The following PARD3B variants were observed in gnomAD, a reference collection of about 807,000 sequenced individuals.
PARD3B encodes the protein partitioning defective 3 homolog B.
A neutral mutation model predicts 130.2 loss-of-function variants in PARD3B; 103 were observed. The observed-to-expected ratio is 0.79, with a 90% CI of 0.67 to 0.93. PARD3B has a LOEUF of 0.93. Among genes scored for constraint, PARD3B ranks in the 40% least tolerant of loss-of-function variants. PARD3B has a pLI of 0.00. For missense variants in PARD3B, 1,609 were observed against 1,499.2 expected (o/e 1.07, Z -1.21); for synonymous variants, 583 against 553.2 (o/e 1.05, Z -0.76).
intron 21 of PARD3B, among the ~76,000 whole-genome samples, chr2:205,542,327 A>T (rs1330034195): frequency 6.7e-6 from 1 of 148,838 alleles, no homozygotes; most frequent in African/African-American, 2.5e-5. Context: ...TTCTCTAGTT[A>T]ACAGGAAACT....
intron 2 of PARD3B, among the ~76,000 whole-genome samples, chr2:204,766,135 A>C (rs2041135553): frequency 6.6e-6 from 1 of 152,182 alleles, no homozygotes; most frequent in Admixed American, 6.6e-5. Flanking sequence ...TGCCAGTGAA[A>C]GCTATCTTAT....
At position 205,397,447 on chromosome 2, in the gene PARD3B, T is replaced by C. The variant is rs934042439; in HGVS notation, c.2631-3566T>C. 1.3e-5 allele frequency among the ~76,000 whole-genome samples: 2 copies of C among 152,196 alleles called. No homozygotes were observed. Among genetic ancestry groups the C allele is most frequent in the African/African-American group, 2.4e-5 (1 of 41,450 alleles). ...CATGTTTTTTTTCTTACCAAACATA[T>C]TCCACTGTGAGGGAAGGATAATGAG... On this transcript the variant is annotated intron_variant, in intron 18 of 22. Transcript: ENST00000406610. The surrounding 1 kb of genome is among the most constrained non-coding windows in gnomAD (Gnocchi z 4.8).
chr2:204,705,822 C>T (rs992609425), intron 2 of PARD3B, among the ~76,000 whole-genome samples: 7 of 152,094 alleles, frequency 4.6e-5, no homozygotes, highest in Non-Finnish European at 7.4e-5. Context: ...TAAGTTTGAC[C>T]GAACGCTAGC....
chr2:204,767,044 A>G (rs530332891), intron 2 of PARD3B, among the ~76,000 whole-genome samples: 1 of 121,168 alleles, frequency 8.3e-6, no homozygotes, highest in East Asian at 2.4e-4. Flanking sequence ...ACATGTGCAC[A>G]TTGTGCAGGT....
In PARD3B at chr2:204,898,118, A is replaced by AT. The variant is rs541810511; in HGVS notation, c.223-67033dup. ...TAAATTTTATGTATATTTTACCATA[A>AT]TAAAAAAAAAACATAAATGAACAAA... On this transcript the variant is annotated intron_variant, in intron 2 of 22. Transcript: ENST00000406610. Among the ~76,000 whole-genome samples, 420 of 151,106 alleles carry AT rather than the reference A, an allele frequency of 2.8e-3. 2 individuals carry two copies. Among genetic ancestry groups the AT allele is most frequent in the Non-Finnish European group, 4.6e-3 (311 of 67,916 alleles).
chr2:205,283,469 G>A (rs906444051), intron 16 of PARD3B, among the ~76,000 whole-genome samples: 1 of 152,060 alleles, frequency 6.6e-6, no homozygotes, highest in Non-Finnish European at 1.5e-5. Flanking sequence ...TTATTATTTT[G>A]TATAGACAGA....
At chr2:205,574,621 C>A (rs1280496677) in intron 22 of PARD3B, among the ~76,000 whole-genome samples, 2 of 152,124 alleles carry the variant, frequency 1.3e-5, no homozygotes, top group African/African-American at 4.8e-5. Flanking sequence ...TAAAGACTCA[C>A]TGACTTAGCA....
chr2:204,621,838 C>A (rs184523021), intron 1 of PARD3B, among the ~76,000 whole-genome samples: 273 of 152,258 alleles, frequency 1.8e-3, no homozygotes, highest in African/African-American at 6.1e-3. Flanking sequence ...TAAGGAAGAT[C>A]TTGTGGTGTT....
chr2:204,766,991 A>ATTT (rs141505640), intron 2 of PARD3B, among the ~76,000 whole-genome samples: 27 of 98,620 alleles, frequency 2.7e-4, no homozygotes, highest in South Asian at 1.1e-3. Context: ...CACATTTTTT[A>ATTT]TTTTATTTTT....
intron 2 of PARD3B, among the ~76,000 whole-genome samples, chr2:204,842,008 G>A (rs2044274871): frequency 6.6e-6 from 1 of 151,940 alleles, no homozygotes. Flanking sequence ...TATTCCAGAA[G>A]GTTCAACTGC....
At chr2:204,703,248 G>GAC (rs779168961) in intron 2 of PARD3B, among the ~76,000 whole-genome samples, 1 of 152,136 alleles carries the variant, frequency 6.6e-6, no homozygotes, top group Non-Finnish European at 1.5e-5. Context: ...ACCATGCTTA[G>GAC]ACACAAAATT....
At chr2:204,824,036 A>G (rs1307667030) in intron 2 of PARD3B, among the ~76,000 whole-genome samples, 2 of 152,116 alleles carry the variant, frequency 1.3e-5, no homozygotes. Flanking sequence ...TAGGGGTGGG[A>G]GTTCTGAAGA....
At chr2:204,904,702 C>T (rs1443850333) in intron 2 of PARD3B, among the ~76,000 whole-genome samples, 3 of 151,728 alleles carry the variant, frequency 2.0e-5, no homozygotes, top group African/African-American at 7.3e-5. Flanking sequence ...CTGAACTATC[C>T]ATGAAAGATT....
chr2:204,833,974 T>C (rs756951095), intron 2 of PARD3B, among the ~76,000 whole-genome samples: 1 of 152,162 alleles, frequency 6.6e-6, no homozygotes, highest in Non-Finnish European at 1.5e-5. Flanking sequence ...GAAGCCTGTC[T>C]TCGTTTCTTC....
Position 205,024,445 on chromosome 2 carries a change from A to C in PARD3B, c.395-23136A>C, listed in dbSNP as rs376246509. Reference sequence around the variant, plus strand: ...CAGCCTCCCAAAGTGCTGGGATTACAGGCCTCACTGTTATTTTCTGCAAGA... The same window carrying C: ...CAGCCTCCCAAAGTGCTGGGATTACCGGCCTCACTGTTATTTTCTGCAAGA... On this transcript the variant is annotated intron_variant, in intron 3 of 22. Coordinates refer to ENST00000406610, the MANE Select transcript of PARD3B (RefSeq NM_001302769.2). 1.9e-3 allele frequency among the ~76,000 whole-genome samples: 286 copies of C among 152,150 alleles called. 1 individual carries two copies. The highest frequency in any genetic ancestry group is 6.5e-3 in the African/African-American group (270 of 41,528).
At chr2:204,679,983 AC>A (rs1388401509) in intron 1 of PARD3B, among the ~76,000 whole-genome samples, 7 of 151,954 alleles carry the variant, frequency 4.6e-5, no homozygotes, top group Admixed American at 6.6e-5. Flanking sequence ...GTAGATTTTT[AC>A]CTACATATCC....
chr2:205,279,084 A>C lies in PARD3B; in HGVS notation c.2186-21446A>C, dbSNP rs923898478. ...AGAATCTGTCTCAAAAAAAAAAAAA[A>C]AAAAAAAAAAAACAGTTGTTCATTG... is the stretch of plus-strand genomic sequence containing the variant. On this transcript the variant is annotated intron_variant, in intron 16 of 22. Coordinates refer to ENST00000406610, the MANE Select transcript of PARD3B (RefSeq NM_001302769.2). Among the ~76,000 whole-genome samples the C allele has an allele frequency of 2.5e-4, 38 of 149,842 alleles. 1 individual carries two copies. The highest frequency in any genetic ancestry group is 8.5e-4 in the African/African-American group (35 of 41,004).
chr2:205,047,029 TTCTA>T (rs1211692676), intron 3 of PARD3B, among the ~76,000 whole-genome samples: 17 of 152,242 alleles, frequency 1.1e-4, no homozygotes, highest in Non-Finnish European at 2.2e-4. Context: ...TCTTTATCAG[TTCTA>T]TCTACTTTAG....
chr2:204,712,794 T>C (rs1007894429), intron 2 of PARD3B, among the ~76,000 whole-genome samples: 1 of 152,168 alleles, frequency 6.6e-6, no homozygotes, highest in Non-Finnish European at 1.5e-5. Context: ...TAAATTTCTA[T>C]GTGCTGCCCT....
Sources: gnomAD v4.1 joint callset for allele counts (sites outside exome capture counted in the v4.1 genomes callset) on GRCh38, gnomAD v4.1.1 for gene constraint, Gnocchi (gnomAD v3.1) non-coding constraint, MANE v1.5 for transcripts, NCBI Gene and HGNC (gene_info 2026-07-23, HGNC 2026-07-21) for gene names.